TRAF3IP3: variants seen among roughly 807,000 people sequenced by gnomAD.
TRAF3IP3 encodes TRAF3 interacting protein 3.
TRAF3IP3 carries 64 observed loss-of-function variants against 86.5 expected under a neutral mutation model. The ratio of observed to expected loss-of-function variants is 0.74; its 90% CI spans 0.60 to 0.91. TRAF3IP3 has a LOEUF of 0.91. TRAF3IP3 is among the 40% of genes least tolerant of loss of function. The pLI is 0.00. For missense variants in TRAF3IP3, 579 were observed against 642.9 expected (o/e 0.90, Z 1.07); for synonymous variants, 220 against 243.9 (o/e 0.90, Z 0.91).
intron 8 of TRAF3IP3, among the ~76,000 whole-genome samples, chr1:209,770,422 TGTGGAGGTGTGTGTGTGCAG>T (rs1558018328): frequency 5.8e-5 from 7 of 121,712 alleles, no homozygotes; most frequent in Non-Finnish European, 1.0e-4. Flanking sequence ...TGTGTGTGCA[TGTGGAGGTGTGTGTGTGCAG>T]GTGGAGGTAT....
At chr1:209,779,448 A>G (rs2077730532) in intron 14 of TRAF3IP3, 74 bp downstream of exon 14, 1 of 1,311,682 alleles carries the variant, frequency 7.6e-7, no homozygotes, top group African/African-American at 1.5e-5. Flanking sequence ...GGGATGGACT[A>G]CATGACCTCC....
Position 209,771,050 on chromosome 1 carries a change from G to A in TRAF3IP3, c.703-1898G>A, listed in dbSNP as rs551232974. ...TGTGTGTGCTCAGGTGGAAGTGTGC[G>A]TGTGCATGTGGAGGTGTGTGTGCAG... On this transcript the variant is annotated intron_variant, in intron 8 of 16. Transcript: ENST00000367025. Among the ~76,000 whole-genome samples the A allele has an allele frequency of 6.4e-3, 817 of 127,186 alleles. 11 individuals carry two copies. The highest frequency in any genetic ancestry group is 9.9e-3 in the Non-Finnish European group (628 of 63,676). The allele number at this position is 127,186 out of a possible 152,430, so 83.4% of individuals were successfully genotyped here. A position where few individuals can be genotyped will look rare whatever the true frequency, so the allele number is the denominator to read the frequency against.
chr1:209,778,335 T>C (rs2077702978), intron 13 of TRAF3IP3, 162 bp downstream of exon 13: 1 of 560,996 alleles, frequency 1.8e-6, no homozygotes, highest in African/African-American at 1.9e-5. Flanking sequence ...TTTACATAGC[T>C]CTCCATAAAT....
chr1:209,763,006 C>T (rs2077274360), intron 5 of TRAF3IP3, 62 bp from the exon 6 acceptor site: 3 of 1,596,642 alleles, frequency 1.9e-6, no homozygotes, highest in Admixed American at 3.3e-5. Context: ...GGAATCAACC[C>T]ACTGCCTCCT....
rs751451429 is a variant in TRAF3IP3 at position 209,782,166 on chromosome 1, C to A, written c.*18C>A. On this transcript the variant is annotated 3_prime_UTR_variant, in exon 17 of 17. Coordinates refer to ENST00000367025, the MANE Select transcript of TRAF3IP3 (RefSeq NM_025228.4). ...TGATCTGAATAATTTGTGACAACTG[C>A]CTTGGGTGAAAATCAGAAGCAAGCA... is the stretch of plus-strand genomic sequence containing the variant. The A allele has an allele frequency of 1.0e-5, 16 of 1,599,934 alleles. No individual in the cohort carries two copies. The highest frequency in any genetic ancestry group is 1.6e-4 in the Middle Eastern group (1 of 6,062).
At chr1:209,778,282 A>C in intron 13 of TRAF3IP3, 109 bp downstream of exon 13, 1 of 786,246 alleles carries the variant, frequency 1.3e-6, no homozygotes, top group Non-Finnish European at 2.1e-6. Flanking sequence ...CATATGCTCT[A>C]ACTCTGTGCA....
chr1:209,775,547 G>A, intron 10 of TRAF3IP3, 52 bp from the exon 11 acceptor site: 2 of 1,614,182 alleles, frequency 1.2e-6, no homozygotes, highest in East Asian at 2.2e-5. Flanking sequence ...GGGGAACAAG[G>A]GGAGCCAGCT....
chr1:209,761,697 G>T (rs2077247315), intron 3 of TRAF3IP3, among the ~76,000 whole-genome samples: 1 of 152,250 alleles, frequency 6.6e-6, no homozygotes, highest in Non-Finnish European at 1.5e-5. Flanking sequence ...GCTTTCCTTT[G>T]AATATGGAAG....
intron 12 of TRAF3IP3, 56 bp from the exon 13 acceptor site, chr1:209,778,055 C>A (rs41303303): frequency 2.1e-5 from 30 of 1,448,488 alleles, no homozygotes; most frequent in Middle Eastern, 3.5e-4. Flanking sequence ...ATCCTAAGTA[C>A]TGAGTTCATT....
At chr1:209,763,909 A>T (rs897604454) in intron 8 of TRAF3IP3, among the ~76,000 whole-genome samples, 15 of 152,200 alleles carry the variant, frequency 9.9e-5, no homozygotes, top group Non-Finnish European at 2.2e-4. Context: ...AAATATGCTA[A>T]ATGTCAAATA....
Position 209,780,473 on chromosome 1 carries a change from A to G in TRAF3IP3, c.1316A>G (p.Gln439Arg). 4 of 1,557,926 alleles carry G rather than the reference A, an allele frequency of 2.6e-6. No homozygotes were observed. Among genetic ancestry groups the G allele is most frequent in the African/African-American group, 1.4e-5 (1 of 72,638 alleles). Residue 439 changes from glutamine to arginine, a missense_variant, in exon 15 of 17, where the codon CAG becomes CGG. Coordinates refer to ENST00000367025, the MANE Select transcript of TRAF3IP3 (RefSeq NM_025228.4). ...EQEKLLTKKD[Q>R]ALPVWSPKSF... ...AAGAATCTGGCTGCTTTTTTAGATC[A>G]GGCTTTGCCCGTGTGGAGTCCAAAG...
intron 8 of TRAF3IP3, among the ~76,000 whole-genome samples, chr1:209,771,332 T>C (rs1001773527): frequency 5.5e-5 from 8 of 144,798 alleles, no homozygotes; most frequent in Admixed American, 4.8e-4. Context: ...CATGTGGAGG[T>C]GTATCTGTGC....
chr1:209,778,470 A>G (rs563372419), intron 13 of TRAF3IP3: 2 of 365,968 alleles, frequency 5.5e-6, no homozygotes, highest in East Asian at 9.4e-5. Context: ...TTCTTATTTT[A>G]TATATTCTAA....
intron 8 of TRAF3IP3, 43 bp downstream of exon 8, chr1:209,763,630 T>A (rs774172876): frequency 6.8e-7 from 1 of 1,480,978 alleles, no homozygotes; most frequent in Non-Finnish European, 9.4e-7. Flanking sequence ...TGGGCTTCTA[T>A]GTGTTCCCAT....
chr1:209,780,292 C>G (rs964319522), intron 14 of TRAF3IP3, 178 bp from the exon 15 acceptor site: 33 of 478,910 alleles, frequency 6.9e-5, no homozygotes, highest in African/African-American at 6.5e-4. Flanking sequence ...GCTGTCTGTC[C>G]AAGCTTAGCA....
chr1:209,757,171 T>C (rs2077168876), intron 1 of TRAF3IP3, among the ~76,000 whole-genome samples: 1 of 152,226 alleles, frequency 6.6e-6, no homozygotes, highest in South Asian at 2.1e-4. Flanking sequence ...CTCCCCTCTC[T>C]AAGGAGCCAT....
At chr1:209,780,961 C>T (rs2077765687) in intron 15 of TRAF3IP3, 1 of 186,674 alleles carries the variant, frequency 5.4e-6, no homozygotes, top group Admixed American at 6.0e-5. Context: ...TACTCACAAA[C>T]ATACACATCC....
rs756943217 is a variant in TRAF3IP3 at position 209,780,538 on chromosome 1, G to C, written c.1381G>C (p.Glu461Gln). The C allele has an allele frequency of 7.5e-6, 12 of 1,603,590 alleles. No homozygotes were observed. The highest frequency in any genetic ancestry group is 3.8e-4 in the Middle Eastern group (2 of 5,292). ...NEVEPEGTGK[E>Q]KDWDLRDQLQ... ...AGTGGAGCCTGAGGGTACAGGGAAG[G>C]AGAAAGACTGGGATCTCAGAGACCA... Residue 461 changes from glutamate (E) to glutamine (Q), a missense_variant, in exon 15 of 17, where the codon GAG becomes CAG. By Grantham distance (29) the Glu-to-Gln change is conservative. Transcript: ENST00000367025.
At chr1:209,762,433 A>G (rs10489342) in intron 3 of TRAF3IP3, 82 bp from the exon 4 acceptor site, 324,764 of 1,336,464 alleles carry the variant, frequency 0.24, 48,709 homozygotes, top group African/African-American at 0.68. Context: ...CATGATGGTT[A>G]GTTCTTCCTT....
Sources: gnomAD v4.1 joint callset for allele counts (sites outside exome capture counted in the v4.1 genomes callset) on GRCh38, gnomAD v4.1.1 for gene constraint, MANE v1.5 for transcripts, NCBI Gene and HGNC (gene_info 2026-07-23, HGNC 2026-07-21) for gene names.